SLC35F1: variants seen among roughly 807,000 people sequenced by gnomAD.
SLC35F1 encodes the protein solute carrier family 35 member F1, also known as chromosome 6 open reading frame 169.
In SLC35F1, 14 loss-of-function variants were observed where a neutral mutation model predicts 48.7. The ratio of observed to expected loss-of-function variants is 0.29; its 90% CI spans 0.19 to 0.45. The LOEUF (loss-of-function observed/expected upper bound fraction) is 0.45, where lower values mean the gene tolerates loss of function less well. Ranked by LOEUF, SLC35F1 falls within the 20% of genes least tolerant of loss-of-function variation. The pLI, the probability that SLC35F1 is intolerant of heterozygous loss-of-function variation, is 1.00. For missense variants in SLC35F1, 404 were observed against 500.0 expected, an observed-to-expected ratio of 0.81 and a Z score of 1.83; for synonymous variants, 190 against 202.2, an observed-to-expected ratio of 0.94 and a Z score of 0.51.
chr6:118,235,319 A>G (rs1371274114), intron 2 of SLC35F1, among the ~76,000 whole-genome samples, 190 bp from the exon 3 acceptor site: 1 of 152,230 alleles, frequency 6.6e-6, no homozygotes, highest in Admixed American at 6.5e-5. Context: ...TTGAAAAGCC[A>G]AAATCTGCAA....
At chr6:117,976,848 A>T (rs868521546) in intron 1 of SLC35F1, among the ~76,000 whole-genome samples, 16 of 152,268 alleles carry the variant, frequency 1.1e-4, no homozygotes, top group Admixed American at 5.2e-4. Flanking sequence ...GTTGGGGCAT[A>T]TTTTCTTCCA....
At chr6:117,990,852 T>C (rs1776910355) in intron 1 of SLC35F1, among the ~76,000 whole-genome samples, 1 of 152,176 alleles carries the variant, frequency 6.6e-6, no homozygotes, top group Non-Finnish European at 1.5e-5. Flanking sequence ...TAGCTGCAGT[T>C]GGAGTGTTGG....
At chr6:118,083,030 G>A (rs887638901) in intron 1 of SLC35F1, among the ~76,000 whole-genome samples, 2 of 152,096 alleles carry the variant, frequency 1.3e-5, no homozygotes, top group Non-Finnish European at 2.9e-5. Context: ...GCTAGGCAGA[G>A]AAAAACAACA....
chr6:118,148,280 C>T (rs1223213867), intron 1 of SLC35F1, among the ~76,000 whole-genome samples: 1 of 152,166 alleles, frequency 6.6e-6, no homozygotes, highest in East Asian at 1.9e-4. Context: ...CAAAGAATTA[C>T]AAGCAATATG....
intron 6 of SLC35F1, among the ~76,000 whole-genome samples, chr6:118,282,951 A>G (rs1776001303): frequency 1.3e-5 from 2 of 152,174 alleles, no homozygotes; most frequent in South Asian, 4.1e-4. Flanking sequence ...CCTTCTCCAC[A>G]GAGTAGCCAA....
chr6:117,923,702 T>TATAC (rs1562238827), intron 1 of SLC35F1, among the ~76,000 whole-genome samples: 822 of 17,266 alleles, frequency 0.048, 239 homozygotes, highest in Admixed American at 0.12. Context: ...TACATATACA[T>TATAC]ATATGTACAT....
chr6:118,095,400 C>G (rs942238131), intron 1 of SLC35F1, among the ~76,000 whole-genome samples: 2 of 152,198 alleles, frequency 1.3e-5, no homozygotes, highest in Non-Finnish European at 2.9e-5. Context: ...TGTTCTTTAT[C>G]TGTACAGTCC....
intron 1 of SLC35F1, among the ~76,000 whole-genome samples, chr6:118,043,080 T>C (rs1447021989): frequency 2.6e-5 from 4 of 152,208 alleles, no homozygotes; most frequent in Admixed American, 2.6e-4. Flanking sequence ...TTTATAAAGA[T>C]GACTTATCTC....
At chr6:118,083,114 A>T (rs1025000021) in intron 1 of SLC35F1, among the ~76,000 whole-genome samples, 1 of 152,180 alleles carries the variant, frequency 6.6e-6, no homozygotes, top group East Asian at 1.9e-4. Context: ...AAACTTTGTA[A>T]TCTGTGGGGA....
intron 1 of SLC35F1, among the ~76,000 whole-genome samples, chr6:118,058,986 G>A (rs533516908): frequency 6.6e-6 from 1 of 152,256 alleles, no homozygotes; most frequent in South Asian, 2.1e-4. Context: ...TAACCTCAGC[G>A]AGATGATTTT....
rs116823786 is a variant in SLC35F1 at position 118,243,522 on chromosome 6, C to T, written c.477+7886C>T. 5.0e-3 allele frequency among the ~76,000 whole-genome samples: 767 copies of T among 152,244 alleles called. 8 individuals are homozygous for T. Among genetic ancestry groups the T allele is most frequent in the African/African-American group, 0.018 (734 of 41,534 alleles). ...GACCTGAGCCCTGCTATGAGGCAAC[C>T]GACAGCTACGTTAACACTTAGAATA... is the stretch of plus-strand genomic sequence containing the variant. On this transcript the variant is annotated intron_variant, in intron 3 of 7. Coordinates refer to ENST00000360388, the MANE Select transcript of SLC35F1 (RefSeq NM_001029858.4).
At chr6:117,934,150 G>A (rs1208613253) in intron 1 of SLC35F1, among the ~76,000 whole-genome samples, 1 of 152,098 alleles carries the variant, frequency 6.6e-6, no homozygotes, top group Non-Finnish European at 1.5e-5. Context: ...GGGCATCTAG[G>A]ATAGGATTCA....
rs186558105 is a variant in SLC35F1 at position 118,057,113 on chromosome 6, A to C, written c.174-97332A>C. Among the ~76,000 whole-genome samples, 3 of 152,260 alleles carry C rather than the reference A, an allele frequency of 2.0e-5. No individual in the cohort carries two copies. The East Asian group carries it at 5.8e-4, about 29-fold the overall frequency. On this transcript the variant is annotated intron_variant, in intron 1 of 7. Coordinates refer to ENST00000360388, the MANE Select transcript of SLC35F1 (RefSeq NM_001029858.4). Reference sequence around the variant, plus strand: ...GATTACCTCTGCCCCATGTAAATTTAAACTCCAGAGTCTATGAGAAGGCTG... The same window carrying C: ...GATTACCTCTGCCCCATGTAAATTTCAACTCCAGAGTCTATGAGAAGGCTG...
At chr6:118,240,860 A>G (rs909443250) in intron 3 of SLC35F1, among the ~76,000 whole-genome samples, 2 of 152,142 alleles carry the variant, frequency 1.3e-5, no homozygotes, top group Admixed American at 1.3e-4. Context: ...GACACCAAAG[A>G]GAAGAGTGGC....
intron 1 of SLC35F1, among the ~76,000 whole-genome samples, chr6:117,938,201 T>A (rs1034153509): frequency 3.3e-5 from 5 of 152,148 alleles, no homozygotes; most frequent in Admixed American, 2.0e-4. Flanking sequence ...CCAAGTGTTT[T>A]TATCTCTGCT....
chr6:117,917,635 G>C (rs1457401267), intron 1 of SLC35F1, among the ~76,000 whole-genome samples: 1 of 152,146 alleles, frequency 6.6e-6, no homozygotes, highest in Non-Finnish European at 1.5e-5. Context: ...AGGTGGGAAA[G>C]ACTGGGAGAG....
intron 2 of SLC35F1, among the ~76,000 whole-genome samples, chr6:118,212,727 A>AAAGGAAGGAAGGAAGGAAAGG (rs1775017746): frequency 3.2e-5 from 3 of 93,722 alleles, no homozygotes; most frequent in Admixed American, 2.3e-4. Context: ...GGAAGGAAGG[A>AAAGGAAGGAAGGAAGGAAAGG]AAGGAAGGAA....
rs914552026 is a variant in SLC35F1 at position 118,123,112 on chromosome 6, A to G, written c.174-31333A>G. Among the ~76,000 whole-genome samples the G allele has an allele frequency of 2.0e-5, 3 of 149,590 alleles. No individual in the cohort carries two copies. The South Asian group carries it at 6.3e-4, about 32-fold the overall frequency. On this transcript the variant is annotated intron_variant, in intron 1 of 7. Coordinates refer to ENST00000360388, the MANE Select transcript of SLC35F1 (RefSeq NM_001029858.4). ...TATTCTCAAAAGCCCTTTTTTTTGT[A>G]TTATGTTCCTTGTATTATGTTCCAT...
chr6:118,243,831 C>G (rs900323288), intron 3 of SLC35F1, among the ~76,000 whole-genome samples: 1 of 152,150 alleles, frequency 6.6e-6, no homozygotes. Flanking sequence ...CTTCTTTATC[C>G]TTGCTGTTTT....
Sources: gnomAD v4.1 joint callset for allele counts (sites outside exome capture counted in the v4.1 genomes callset) on GRCh38, gnomAD v4.1.1 for gene constraint, MANE v1.5 for transcripts, NCBI Gene and HGNC (gene_info 2026-07-23, HGNC 2026-07-21) for gene names.